ACACB: variants seen among roughly 807,000 people sequenced by gnomAD.
The protein encoded by ACACB is acetyl-CoA carboxylase 2.
Under a neutral mutation model 278.8 loss-of-function variants are expected in ACACB, and 209 were observed. That is an observed-to-expected ratio of 0.75 (90% CI 0.67 to 0.84). The LOEUF is 0.84. ACACB is among the 40% of genes least tolerant of loss of function. ACACB has a pLI of 0.00. For synonymous variants in ACACB, 1,174 were observed against 1,285.6 expected (o/e 0.91, Z 1.86); for missense variants, 2,850 against 3,269.0 (o/e 0.87, Z 3.13).
rs7979520 is a variant in ACACB, at chr12:109,152,635, T to C, written c.653+12577T>C. On this transcript the variant is annotated intron_variant, in intron 2 of 52. Coordinates refer to ENST00000338432, the MANE Select transcript of ACACB (RefSeq NM_001093.4). ...GCCCTGCCTGTGCCTTTTCTTTCTT[T>C]CTTTCTTTTTTTTTTTTTTTTTTTT... 3.5e-3 allele frequency among the ~76,000 whole-genome samples: 180 copies of C among 51,660 alleles called. 3 individuals are homozygous for C. Among genetic ancestry groups the C allele is most frequent in the Middle Eastern group, 0.023 (1 of 44 alleles). The allele number at this position is 51,660 out of a possible 152,430, so 33.9% of individuals were successfully genotyped here.
chr12:109,246,721 G>A lies in ACACB; in HGVS notation c.5571+273G>A, dbSNP rs542064994. ...AACCCTGAGCTGATATACACTGAGC[G>A]CTCCTGAATGCAGTGTGCACTGAGA... On this transcript the variant is annotated intron_variant, in intron 39 of 52. Coordinates refer to ENST00000338432, the MANE Select transcript of ACACB (RefSeq NM_001093.4). Among the ~76,000 whole-genome samples, 14 of 152,232 alleles carry A rather than the reference G, an allele frequency of 9.2e-5. No homozygotes were observed. In the East Asian group the frequency reaches 1.5e-3, roughly 17 times the overall value.
intron 11 of ACACB, among the ~76,000 whole-genome samples, chr12:109,183,141 T>C (rs1173820608): frequency 6.6e-6 from 1 of 152,254 alleles, no homozygotes; most frequent in Non-Finnish European, 1.5e-5. Context: ...TTGATCTATG[T>C]GTTTGTTTTT....
At chr12:109,178,626 A>G (rs1294955760) in intron 9 of ACACB, among the ~76,000 whole-genome samples, 2 of 152,222 alleles carry the variant, frequency 1.3e-5, no homozygotes, top group Non-Finnish European at 2.9e-5. Context: ...TGCAGCTGGT[A>G]AAGGAATTTA....
chr12:109,130,911 C>G (rs1002916771), intron 1 of ACACB, among the ~76,000 whole-genome samples: 2 of 152,194 alleles, frequency 1.3e-5, no homozygotes, highest in Non-Finnish European at 2.9e-5. Context: ...GAGTCTCACC[C>G]TCCCTTCTGG....
chr12:109,222,206 T>C (rs2136511848), intron 24 of ACACB, among the ~76,000 whole-genome samples: 1 of 152,274 alleles, frequency 6.6e-6, no homozygotes, highest in Non-Finnish European at 1.5e-5. Context: ...TCACTGGCTA[T>C]TAATAGTAAC....
intron 22 of ACACB, among the ~76,000 whole-genome samples, chr12:109,214,102 GA>G (rs370729692): frequency 3.5e-5 from 5 of 144,044 alleles, no homozygotes; most frequent in South Asian, 2.2e-4. Flanking sequence ...AAAAAAAAAA[GA>G]AAAAAAAAAT....
At chr12:109,238,621 A>G (rs7968098) in intron 34 of ACACB, among the ~76,000 whole-genome samples, 4,624 of 145,524 alleles carry the variant, frequency 0.032, 234 homozygotes, top group African/African-American at 0.11. Context: ...CTGGAGTGCA[A>G]TGGCACAATC....
At chr12:109,262,317 A>G (rs1312819163) in intron 48 of ACACB, 40 bp from the exon 49 acceptor site, 15 of 1,532,722 alleles carry the variant, frequency 9.8e-6, no homozygotes, top group Admixed American at 3.4e-5. Context: ...TTGCTGGGCA[A>G]TGCCTCATAT....
At chr12:109,260,151 T>C (rs1295058465) in intron 47 of ACACB, 1 of 1,401,894 alleles carries the variant, frequency 7.1e-7, no homozygotes, top group East Asian at 3.9e-5. Flanking sequence ...AGTGTGACTG[T>C]TAGTGAGGGT....
chr12:109,180,250 G>A (rs889164609), intron 11 of ACACB, among the ~76,000 whole-genome samples, 163 bp downstream of exon 11: 2 of 152,076 alleles, frequency 1.3e-5, no homozygotes, highest in African/African-American at 2.4e-5. Flanking sequence ...GTTCTCCCTG[G>A]GAAAATATCT....
chr12:109,250,920 A>G (rs2047077580), intron 41 of ACACB, among the ~76,000 whole-genome samples: 1 of 152,208 alleles, frequency 6.6e-6, no homozygotes, highest in Non-Finnish European at 1.5e-5. Flanking sequence ...ATGCATTGGC[A>G]TGATTCCAGG....
intron 13 of ACACB, among the ~76,000 whole-genome samples, chr12:109,189,853 G>A (rs1481068437): frequency 1.3e-5 from 2 of 152,192 alleles, no homozygotes; most frequent in Non-Finnish European, 1.5e-5. Flanking sequence ...GCTCATGCCT[G>A]TAATCCCAGC....
At chr12:109,201,833 A>ACCATCACGGTGGCT in intron 19 of ACACB, 132 bp downstream of exon 19, 1 of 1,260,486 alleles carries the variant, frequency 7.9e-7, no homozygotes, top group Non-Finnish European at 1.1e-6. Context: ...AGCTCGTCGC[A>ACCATCACGGTGGCT]GCAGCCACCG....
intron 1 of ACACB, among the ~76,000 whole-genome samples, chr12:109,124,507 T>C (rs1308665710): frequency 3.9e-5 from 6 of 152,252 alleles, no homozygotes; most frequent in African/African-American, 1.4e-4. Flanking sequence ...ACCCCACTTT[T>C]AGTGATTTTT....
At chr12:109,227,262 G>A in intron 27 of ACACB, 109 bp from the exon 28 acceptor site, 1 of 978,416 alleles carries the variant, frequency 1.0e-6, no homozygotes. Context: ...CTTACAGATA[G>A]ATATTTTAGA....
At chr12:109,262,977 T>TATATATATATATATATATATATAA (rs1565985883) in intron 49 of ACACB, 2 of 135,878 alleles carry the variant, frequency 1.5e-5, no homozygotes, top group Non-Finnish European at 3.2e-5. Flanking sequence ...TATATATATA[T>TATATATATATATATATATATATAA]ATATATTGCC....
At chr12:109,239,424 G>T (rs1191707716) in intron 34 of ACACB, among the ~76,000 whole-genome samples, 1 of 152,202 alleles carries the variant, frequency 6.6e-6, no homozygotes, top group Admixed American at 6.5e-5. Flanking sequence ...AGCCTTGATT[G>T]TGGTTTCCTG....
At chr12:109,238,575 T>A (rs977699364) in intron 34 of ACACB, among the ~76,000 whole-genome samples, 25 of 147,640 alleles carry the variant, frequency 1.7e-4, no homozygotes, top group South Asian at 6.3e-4. Context: ...ATATATATAT[T>A]TTTTTGGAGA....
chr12:109,247,852 A>G, intron 40 of ACACB, 149 bp downstream of exon 40: 1 of 641,350 alleles, frequency 1.6e-6, no homozygotes. Context: ...GATGCCTTAA[A>G]CATTTGTTAA....
Sources: gnomAD v4.1 joint callset for allele counts (sites outside exome capture counted in the v4.1 genomes callset) on GRCh38, gnomAD v4.1.1 for gene constraint, MANE v1.5 for transcripts, NCBI Gene and HGNC (gene_info 2026-07-23, HGNC 2026-07-21) for gene names.